The following ANXA13 variants were observed in gnomAD, a reference collection of about 807,000 sequenced individuals.
The protein encoded by ANXA13 is annexin A13.
In ANXA13, 36 loss-of-function variants were observed where a neutral mutation model predicts 46.6. That is an observed-to-expected ratio of 0.77 (90% confidence interval 0.59 to 1.02). The LOEUF is 1.02. Among genes scored for constraint, ANXA13 ranks in the 50% least tolerant of loss-of-function variants. The pLI is 0.00. For synonymous variants in ANXA13, 163 were observed against 152.9 expected (o/e 1.07, Z -0.49); for missense variants, 417 against 396.5 (o/e 1.05, Z -0.44).
chr8:123,694,868 C>T, intron 6 of ANXA13, among the ~76,000 whole-genome samples: 1 of 152,220 alleles, frequency 6.6e-6, no homozygotes, highest in South Asian at 2.1e-4. Flanking sequence ...GCAGTGGAAG[C>T]CTCTCTCTTC....
At chr8:123,706,651 T>C (rs1360287195) in intron 2 of ANXA13, among the ~76,000 whole-genome samples, 4 of 152,216 alleles carry the variant, frequency 2.6e-5, no homozygotes, top group African/African-American at 4.8e-5. Flanking sequence ...TTTTTCCAAT[T>C]GGCATTCACT....
At position 123,693,759 on chromosome 8, in the gene ANXA13, A is replaced by G; in HGVS notation, c.492T>C (p.Asp164=). ...GACCAGCTAGATCTTTGTCCACGTC[A>G]TCTCCTTCATTGCGATTAGCCTAGA... The part of the protein sequence containing the change: ...SLLQANRNEG[D]DVDKDLAGQD... The change falls in exon 7 of 11, where the codon GAT becomes GAC. Residue 164 remains aspartate (D), a synonymous_variant. Transcript: ENST00000419625. 1.2e-6 allele frequency: 2 copies of G among 1,614,112 alleles called. No individual in the cohort carries two copies. The highest frequency in any genetic ancestry group is 1.7e-4 in the Middle Eastern group (1 of 6,060).
At chr8:123,735,845 T>C (rs1200931876) in intron 1 of ANXA13, 3 of 1,612,146 alleles carry the variant, frequency 1.9e-6, no homozygotes, top group East Asian at 2.2e-5. Context: ...TAGGCAACTG[T>C]TGACTGCCTT....
At chr8:123,687,673 G>A (rs1813165134) in intron 9 of ANXA13, among the ~76,000 whole-genome samples, 1 of 152,196 alleles carries the variant, frequency 6.6e-6, no homozygotes, top group African/African-American at 2.4e-5. Flanking sequence ...TTTGGCAACT[G>A]GAGCACATTT....
At chr8:123,683,584 C>CTT (rs5894671) in intron 10 of ANXA13, among the ~76,000 whole-genome samples, 13 of 100,824 alleles carry the variant, frequency 1.3e-4, no homozygotes, top group African/African-American at 1.6e-4. Flanking sequence ...TAGCTGTGAC[C>CTT]TTTTTTTTTT....
At chr8:123,692,764 A>G (rs1024527623) in intron 8 of ANXA13, among the ~76,000 whole-genome samples, 17 of 152,148 alleles carry the variant, frequency 1.1e-4, no homozygotes, top group Non-Finnish European at 2.2e-4. Flanking sequence ...TTCCTGTTCT[A>G]CAAACAGGAT....
At chr8:123,694,881 T>C (rs1204330616) in intron 6 of ANXA13, among the ~76,000 whole-genome samples, 1 of 152,140 alleles carries the variant, frequency 6.6e-6, no homozygotes, top group Non-Finnish European at 1.5e-5. Context: ...CTCTCTTCTG[T>C]TCTCTGCTGT....
intron 2 of ANXA13, among the ~76,000 whole-genome samples, chr8:123,708,332 G>C (rs1462929899): frequency 6.6e-6 from 1 of 152,228 alleles, no homozygotes; most frequent in African/African-American, 2.4e-5. Flanking sequence ...AAGATACCGA[G>C]TCACATTTCA....
At chr8:123,727,378 A>G (rs1172637575) in intron 1 of ANXA13, among the ~76,000 whole-genome samples, 1 of 151,924 alleles carries the variant, frequency 6.6e-6, no homozygotes, top group African/African-American at 2.4e-5. Context: ...CCTGGGCCAG[A>G]AGGGCAGGAA....
At chr8:123,708,136 C>G (rs1346666356) in intron 2 of ANXA13, among the ~76,000 whole-genome samples, 1 of 152,058 alleles carries the variant, frequency 6.6e-6, no homozygotes, top group African/African-American at 2.4e-5. Context: ...TAAATACTTA[C>G]AATGGTTTGA....
chr8:123,684,485 C>T (rs1416195556), intron 10 of ANXA13, 125 bp downstream of exon 10: 2 of 646,448 alleles, frequency 3.1e-6, no homozygotes, highest in East Asian at 2.7e-5. Flanking sequence ...TCTGGGAAGG[C>T]AAGGGGCCGT....
At position 123,695,731 on chromosome 8, in the gene ANXA13, G is replaced by A. The variant is rs1813319503; in HGVS notation, c.358-10C>T. 5 of 1,610,318 alleles carry A rather than the reference G, an allele frequency of 3.1e-6. No homozygotes were observed. Among genetic ancestry groups the A allele is most frequent in the Non-Finnish European group, 4.2e-6 (5 of 1,177,048 alleles). On this transcript the variant is annotated splice_polypyrimidine_tract_variant and intron_variant, in intron 4 of 10. Coordinates refer to ENST00000419625, the MANE Select transcript of ANXA13 (RefSeq NM_004306.4). ...TAATGGCGATGATTTCCTAGGGAAG[G>A]TAATTTACAAAAAAATCAATATTCC...
Position 123,693,258 on chromosome 8 carries a change from T to C in ANXA13, c.581A>G (p.Asn194Ser), listed in dbSNP as rs1212489866. Reference sequence around the variant, plus strand: ...GTAGCTCCTCTTGGCCAGGACTTCATTGAACGCAAGCTCATCAGTGCCCCA... The same window carrying C: ...GTAGCTCCTCTTGGCCAGGACTTCACTGAACGCAAGCTCATCAGTGCCCCA... ...GRWGTDELAF[N>S]EVLAKRSYKQ... The change falls in exon 8 of 11, where the codon AAT becomes AGT. Residue 194 changes from asparagine (N) to serine (S), a missense_variant. Coordinates refer to ENST00000419625, the MANE Select transcript of ANXA13 (RefSeq NM_004306.4). The C allele has an allele frequency of 9.3e-6, 15 of 1,614,236 alleles. No homozygotes were observed. Among genetic ancestry groups the C allele is most frequent in the Middle Eastern group, 1.6e-4 (1 of 6,062 alleles).
intron 1 of ANXA13, among the ~76,000 whole-genome samples, chr8:123,713,401 A>G (rs2129900820): frequency 6.6e-6 from 1 of 152,322 alleles, no homozygotes; most frequent in Middle Eastern, 3.4e-3. Flanking sequence ...TCTAAATAAT[A>G]AGGAAATTAT....
chr8:123,733,451 A>G (rs1284132278), intron 1 of ANXA13, among the ~76,000 whole-genome samples: 2 of 152,056 alleles, frequency 1.3e-5, no homozygotes, highest in African/African-American at 4.8e-5. Flanking sequence ...CAGCTTTCAG[A>G]TGTTCTTTGT....
At chr8:123,689,556 G>A (rs189759782) in intron 8 of ANXA13, among the ~76,000 whole-genome samples, 264 of 152,260 alleles carry the variant, frequency 1.7e-3, no homozygotes, top group Admixed American at 4.9e-3. Context: ...ACATCAAAAT[G>A]CCACTTGTCT....
At chr8:123,697,313 G>A (rs1438778478) in intron 4 of ANXA13, among the ~76,000 whole-genome samples, 3 of 152,200 alleles carry the variant, frequency 2.0e-5, no homozygotes, top group South Asian at 2.1e-4. Context: ...TGAGAAGGGT[G>A]GATGCTGAGT....
At chr8:123,704,309 T>C (rs971649361) in intron 2 of ANXA13, among the ~76,000 whole-genome samples, 8 of 152,118 alleles carry the variant, frequency 5.3e-5, no homozygotes, top group South Asian at 2.1e-4. Flanking sequence ...TCCAAGCTCT[T>C]CTTTACAGAA....
At chr8:123,692,819 C>G (rs1223635704) in intron 8 of ANXA13, among the ~76,000 whole-genome samples, 1 of 152,096 alleles carries the variant, frequency 6.6e-6, no homozygotes, top group Non-Finnish European at 1.5e-5. Flanking sequence ...GGATTTGCAC[C>G]TGGACTCTTG....
Sources: gnomAD v4.1 joint callset for allele counts (sites outside exome capture counted in the v4.1 genomes callset) on GRCh38, gnomAD v4.1.1 for gene constraint, MANE v1.5 for transcripts, NCBI Gene and HGNC (gene_info 2026-07-23, HGNC 2026-07-21) for gene names.